Variants in PPP1R21 observed in about 807,000 individuals in gnomAD.
The protein encoded by PPP1R21 is protein phosphatase 1 regulatory subunit 21.
A neutral mutation model predicts 112.8 loss-of-function variants in PPP1R21; 85 were observed. The ratio of observed to expected loss-of-function variants is 0.75; its 90% CI spans 0.63 to 0.90. The LOEUF is 0.90. Ranked by LOEUF, PPP1R21 falls within the 40% of genes least tolerant of loss-of-function variation. The pLI is 0.00. For missense variants in PPP1R21, 1,199 were observed against 901.5 expected (o/e 1.33, Z -4.23); for synonymous variants, 381 against 322.3 (o/e 1.18, Z -1.95).
chr2:48,444,919 C>G (rs1667181885), intron 1 of PPP1R21, among the ~76,000 whole-genome samples: 1 of 144,056 alleles, frequency 6.9e-6, no homozygotes, highest in African/African-American at 2.6e-5. Flanking sequence ...TCCATTATTT[C>G]TCTACAGTTT....
chr2:48,510,253 A>G, intron 20 of PPP1R21, 140 bp downstream of exon 20: 2 of 562,592 alleles, frequency 3.6e-6, no homozygotes, highest in East Asian at 5.8e-5. Flanking sequence ...ATTCATTTAA[A>G]AATAACATCT....
At chr2:48,461,746 A>G (rs1271732027) in intron 7 of PPP1R21, among the ~76,000 whole-genome samples, 1 of 152,232 alleles carries the variant, frequency 6.6e-6, no homozygotes, top group Admixed American at 6.5e-5. Flanking sequence ...TACATGTGTA[A>G]TAGGTGCCAA....
chr2:48,465,932 C>A (rs1483562317), intron 9 of PPP1R21, among the ~76,000 whole-genome samples: 1 of 152,182 alleles, frequency 6.6e-6, no homozygotes, highest in African/African-American at 2.4e-5. Flanking sequence ...TTATTAGACT[C>A]CACATGGCTG....
chr2:48,510,946 C>G (rs909505949), intron 20 of PPP1R21, among the ~76,000 whole-genome samples: 7 of 152,180 alleles, frequency 4.6e-5, no homozygotes, highest in African/African-American at 9.7e-5. Flanking sequence ...TTTCTTTTAA[C>G]TTTGTTCTCT....
At chr2:48,491,709 C>A (rs1421705853) in intron 15 of PPP1R21, among the ~76,000 whole-genome samples, 1 of 151,982 alleles carries the variant, frequency 6.6e-6, no homozygotes, top group Non-Finnish European at 1.5e-5. Context: ...CACACACATA[C>A]TATAAAAAGC....
chr2:48,448,198 C>G (rs888670855), intron 1 of PPP1R21, among the ~76,000 whole-genome samples: 1 of 152,168 alleles, frequency 6.6e-6, no homozygotes, highest in Non-Finnish European at 1.5e-5. Flanking sequence ...TCTTAAAAAG[C>G]TGCATTGTCT....
At chr2:48,441,190 G>T in intron 1 of PPP1R21, 180 bp downstream of exon 1, 1 of 617,292 alleles carries the variant, frequency 1.6e-6, no homozygotes, top group South Asian at 1.8e-5. Flanking sequence ...AGGAGATGGG[G>T]CCGGGCGGTG....
intron 13 of PPP1R21, among the ~76,000 whole-genome samples, chr2:48,480,625 T>C (rs1668969508): frequency 6.6e-6 from 1 of 152,208 alleles, no homozygotes; most frequent in Non-Finnish European, 1.5e-5. Context: ...CTGACTAATC[T>C]ACAACTTTGC....
intron 1 of PPP1R21, 105 bp from the exon 2 acceptor site, chr2:48,450,903 C>G: frequency 1.2e-6 from 1 of 842,832 alleles, no homozygotes; most frequent in East Asian, 2.5e-5. Flanking sequence ...ATGTGAGAAG[C>G]TACTTAGTTA....
At chr2:48,505,732 G>A in intron 18 of PPP1R21, 136 bp downstream of exon 18, 1 of 759,740 alleles carries the variant, frequency 1.3e-6, no homozygotes. Flanking sequence ...TGTGGAGCCA[G>A]TGTTTTCCAC....
intron 13 of PPP1R21, among the ~76,000 whole-genome samples, chr2:48,485,902 CAATTGTATATACTAACTAATAT>C (rs1669267004): frequency 7.0e-6 from 1 of 143,516 alleles, no homozygotes; most frequent in Non-Finnish European, 1.5e-5. Flanking sequence ...CTAATATATA[CAATTGTATATACTAACTAATAT>C]ATACAATTGT....
intron 15 of PPP1R21, among the ~76,000 whole-genome samples, chr2:48,494,058 CAAAAA>C (rs70943344): frequency 4.7e-5 from 3 of 63,236 alleles, no homozygotes; most frequent in Admixed American, 2.1e-4. Flanking sequence ...CTCGTCTCTC[CAAAAA>C]AAAAAAAAAA....
Position 48,474,697 on chromosome 2 carries a change from GT to G in PPP1R21, c.1104del (p.Cys368TrpfsTer10). 1.9e-6 allele frequency: 3 copies of G among 1,607,238 alleles called. No individual in the cohort carries two copies. Among genetic ancestry groups the G allele is most frequent in the Non-Finnish European group, 2.5e-6 (3 of 1,177,198 alleles). Reference protein sequence around the residue: ...PYQLKSLEEECESSLCTSALR... With the variant: ...PYQLKSLEEEXESSLCTSALR... ...CCTATTCCTAGTTTAGAAGAAGAATGTGAATCCTCTCTTTGCACATCTGCGT... is the reference window on the plus strand; with the variant it reads ...CCTATTCCTAGTTTAGAAGAAGAATGGAATCCTCTCTTTGCACATCTGCGT... On this transcript the variant is annotated frameshift_variant, in exon 12 of 22. Transcript: ENST00000294952. LOFTEE classifies it high-confidence loss of function.
rs1667917574 is a variant in PPP1R21 at position 48,460,235 on chromosome 2, T to G, written c.599+82T>G. The G allele has an allele frequency of 2.2e-6, 3 of 1,345,030 alleles. No homozygotes were observed. In the Admixed American group the frequency reaches 5.7e-5, roughly 25 times the overall value. 83.3% of individuals were successfully genotyped at this position (1,345,030 alleles called of 1,614,324 possible). A position where few individuals can be genotyped will look rare whatever the true frequency, so the allele number is the denominator to read the frequency against. ...TTTTGGTTGTAGCAGCTCCTCTGTT[T>G]TAATTGTCTTACATTTAAAAGGAGA... is the stretch of plus-strand genomic sequence containing the variant. On this transcript the variant is annotated intron_variant, in intron 6 of 21. Transcript: ENST00000294952.
chr2:48,488,364 C>G (rs934134233), intron 14 of PPP1R21, among the ~76,000 whole-genome samples: 1 of 151,714 alleles, frequency 6.6e-6, no homozygotes, highest in Admixed American at 6.6e-5. Context: ...TCTGTATTTG[C>G]CAACTTTTTT....
intron 13 of PPP1R21, among the ~76,000 whole-genome samples, chr2:48,484,111 C>T (rs1669163734): frequency 6.6e-6 from 1 of 152,212 alleles, no homozygotes; most frequent in Non-Finnish European, 1.5e-5. Flanking sequence ...CCTTTCAGAA[C>T]ACGCATACTT....
At chr2:48,498,361 G>T in intron 16 of PPP1R21, 132 bp from the exon 17 acceptor site, 1 of 772,644 alleles carries the variant, frequency 1.3e-6, no homozygotes, top group Non-Finnish European at 2.0e-6. Flanking sequence ...CTTCCTATTC[G>T]AGGGTCAAAC....
chr2:48,484,676 C>A (rs1558485431), intron 13 of PPP1R21, among the ~76,000 whole-genome samples: 2 of 152,032 alleles, frequency 1.3e-5, no homozygotes, highest in Non-Finnish European at 2.9e-5. Context: ...GCCACTACAC[C>A]CAGCAATTTT....
At chr2:48,483,307 G>C (rs1313019060) in intron 13 of PPP1R21, among the ~76,000 whole-genome samples, 2 of 136,738 alleles carry the variant, frequency 1.5e-5, no homozygotes. Flanking sequence ...TCAGCCTCCT[G>C]AGTAGCTGGG....
Sources: gnomAD v4.1 joint callset for allele counts (sites outside exome capture counted in the v4.1 genomes callset) on GRCh38, gnomAD v4.1.1 for gene constraint, MANE v1.5 for transcripts, NCBI Gene and HGNC (gene_info 2026-07-23, HGNC 2026-07-21) for gene names.